Variants in EPHA6 observed in about 807,000 individuals in gnomAD.
The protein encoded by EPHA6 is EPH receptor A6, also known as ephrin type-A receptor 6.
Under a neutral mutation model 112.0 loss-of-function variants are expected in EPHA6, and 50 were observed. That is an observed-to-expected ratio of 0.45 (90% CI 0.36 to 0.56). The LOEUF is 0.56. EPHA6 is among the 20% of genes least tolerant of loss of function. The pLI is 0.00. For synonymous variants in EPHA6, 529 were observed against 490.7 expected (o/e 1.08, Z -1.03); for missense variants, 1,280 against 1,417.4 (o/e 0.90, Z 1.56).
chr3:97,531,263 G>T (rs568066372), intron 10 of EPHA6, among the ~76,000 whole-genome samples: 57 of 152,070 alleles, frequency 3.7e-4, no homozygotes, highest in African/African-American at 1.3e-3. Context: ...CAGGTAATCA[G>T]CTCTAGAAAA....
chr3:97,374,286 T>C (rs2085222870), intron 5 of EPHA6, among the ~76,000 whole-genome samples: 1 of 152,108 alleles, frequency 6.6e-6, no homozygotes, highest in Non-Finnish European at 1.5e-5. Context: ...CCCTTTTGCT[T>C]CTGTCATCTT....
intron 5 of EPHA6, among the ~76,000 whole-genome samples, chr3:97,311,698 A>C (rs2081571384): frequency 6.6e-6 from 1 of 150,618 alleles, no homozygotes; most frequent in South Asian, 2.1e-4. Context: ...CTTTATTATA[A>C]GTTTTGAAAT....
intron 11 of EPHA6, among the ~76,000 whole-genome samples, chr3:97,584,524 C>A (rs973067987): frequency 6.6e-6 from 1 of 152,218 alleles, no homozygotes; most frequent in African/African-American, 2.4e-5. Context: ...ATGGACCCTT[C>A]AAGGCATTTG....
At position 97,405,401 on chromosome 3, in the gene EPHA6, T is replaced by G. The variant is rs2087274292; in HGVS notation, c.1731+127T>G. On this transcript the variant is annotated intron_variant, in intron 6 of 17. Coordinates refer to ENST00000389672, the MANE Select transcript of EPHA6 (RefSeq NM_001080448.3). The stretch of plus-strand genomic sequence containing the variant: ...TCTTCTTTGGCCTAGCCTCATACCT[T>G]CTGTTTCTTTGAATCCTCTCTAACT... 4 of 724,762 alleles carry G rather than the reference T, an allele frequency of 5.5e-6. No individual in the cohort carries two copies. In the African/African-American group the frequency reaches 7.3e-5, roughly 13 times the overall value. 44.9% of individuals were successfully genotyped at this position (724,762 alleles called of 1,614,324 possible).
intron 3 of EPHA6, among the ~76,000 whole-genome samples, chr3:97,145,842 T>A (rs1279871556): frequency 6.6e-6 from 1 of 151,678 alleles, no homozygotes; most frequent in Non-Finnish European, 1.5e-5. Flanking sequence ...AAATGCATCA[T>A]ATAATGAGTT....
intron 1 of EPHA6, among the ~76,000 whole-genome samples, chr3:96,831,495 G>A (rs2034076395): frequency 6.6e-6 from 1 of 151,870 alleles, no homozygotes; most frequent in Non-Finnish European, 1.5e-5. Flanking sequence ...TAGTGTCTAT[G>A]AGACAGTGTT....
intron 13 of EPHA6, among the ~76,000 whole-genome samples, chr3:97,625,112 G>A (rs1449878398): frequency 6.6e-6 from 1 of 150,838 alleles, no homozygotes; most frequent in Non-Finnish European, 1.5e-5. Context: ...TTCTTCTCTT[G>A]TTCCTTACGT....
chr3:97,664,755 A>T (rs1273428148), intron 14 of EPHA6, among the ~76,000 whole-genome samples: 1 of 152,180 alleles, frequency 6.6e-6, no homozygotes, highest in African/African-American at 2.4e-5. Context: ...CTAGGAATCC[A>T]ACTTACAAGG....
chr3:96,953,067 A>G (rs1311856778), intron 2 of EPHA6, among the ~76,000 whole-genome samples: 1 of 152,144 alleles, frequency 6.6e-6, no homozygotes. Context: ...CCAAAAAAGA[A>G]CAATATTTGA....
intron 5 of EPHA6, among the ~76,000 whole-genome samples, chr3:97,269,932 G>T (rs948888992): frequency 7.2e-5 from 11 of 152,096 alleles, no homozygotes; most frequent in Non-Finnish European, 1.2e-4. Context: ...CATAAATGTA[G>T]CCAACAATTT....
intron 12 of EPHA6, among the ~76,000 whole-genome samples, chr3:97,600,565 C>A (rs1252581579): frequency 6.6e-6 from 1 of 151,998 alleles, no homozygotes; most frequent in Non-Finnish European, 1.5e-5. Context: ...AAAACTCAGC[C>A]ATTATTTAAC....
At chr3:97,570,460 G>A (rs577423523) in intron 11 of EPHA6, among the ~76,000 whole-genome samples, 18 of 152,160 alleles carry the variant, frequency 1.2e-4, no homozygotes, top group Non-Finnish European at 2.2e-4. Context: ...GGCTGGGCGC[G>A]GTGGCTCACG....
intron 11 of EPHA6, among the ~76,000 whole-genome samples, chr3:97,558,785 G>C (rs1409477230): frequency 1.3e-5 from 2 of 151,826 alleles, no homozygotes; most frequent in Admixed American, 6.6e-5. Flanking sequence ...AAGTGTCATG[G>C]TCCACTGTAT....
chr3:96,890,742 T>C (rs752423831), intron 2 of EPHA6, among the ~76,000 whole-genome samples: 7 of 152,190 alleles, frequency 4.6e-5, no homozygotes, highest in Non-Finnish European at 1.0e-4. Flanking sequence ...GTGTGAAAAT[T>C]GGTATAACTA....
intron 5 of EPHA6, among the ~76,000 whole-genome samples, chr3:97,385,432 A>T (rs1229840659): frequency 6.6e-6 from 1 of 152,190 alleles, no homozygotes; most frequent in African/African-American, 2.4e-5. Flanking sequence ...CATAATCTAG[A>T]ATAAAAGGAC....
chr3:97,390,383 C>G (rs912039421), intron 5 of EPHA6, among the ~76,000 whole-genome samples: 1 of 151,846 alleles, frequency 6.6e-6, no homozygotes, highest in Non-Finnish European at 1.5e-5. Context: ...AGCACGTTCT[C>G]CCTTTCTGTG....
intron 3 of EPHA6, among the ~76,000 whole-genome samples, chr3:97,224,207 T>C (rs2078287659): frequency 6.6e-6 from 1 of 152,184 alleles, no homozygotes; most frequent in African/African-American, 2.4e-5. Context: ...TATTTATATG[T>C]GTCTCACTTT....
chr3:97,303,401 G>T (rs1389997616), intron 5 of EPHA6, among the ~76,000 whole-genome samples: 1 of 151,928 alleles, frequency 6.6e-6, no homozygotes, highest in African/African-American at 2.4e-5. Context: ...TAGTGTATTA[G>T]TCCGAGTTTT....
In EPHA6 at chr3:97,755,012, T is replaced by G. The variant is rs931355459; in HGVS notation, c.*6311T>G. The stretch of plus-strand genomic sequence containing the variant: ...GCCACCGCGCCCGGCCACAAAGTTT[T>G]CTTTTAAACAAAACATGGAAAAGTT... On this transcript the variant is annotated 3_prime_UTR_variant, in exon 18 of 18. Transcript: ENST00000389672. Among the ~76,000 whole-genome samples, 2 of 152,230 alleles carry G rather than the reference T, an allele frequency of 1.3e-5. No homozygotes were observed. The highest frequency in any genetic ancestry group is 4.8e-5 in the African/African-American group (2 of 41,476).
Sources: allele counts gnomAD v4.1 joint callset (sites outside exome capture counted in the v4.1 genomes callset), GRCh38; gene constraint gnomAD v4.1.1; transcripts MANE v1.5; gene names NCBI Gene and HGNC (gene_info 2026-07-23, HGNC 2026-07-21).